LRRC40: variants seen among roughly 807,000 people sequenced by gnomAD.
LRRC40 encodes leucine rich repeat containing 40.
Under a neutral mutation model 72.8 loss-of-function variants are expected in LRRC40, and 76 were observed. The ratio of observed to expected loss-of-function variants is 1.04; its 90% CI spans 0.87 to 1.26. LRRC40 has a LOEUF of 1.26. Ranked by LOEUF, LRRC40 falls within the 50% of genes most tolerant of loss-of-function variation. The pLI, the probability that LRRC40 is intolerant of heterozygous loss-of-function variation, is 0.00. For missense variants in LRRC40, 684 were observed against 698.9 expected (o/e 0.98, Z 0.24); for synonymous variants, 243 against 254.2 (o/e 0.96, Z 0.42).
chr1:70,168,287 C>T (rs867397454), intron 9 of LRRC40, among the ~76,000 whole-genome samples: 5 of 152,182 alleles, frequency 3.3e-5, no homozygotes, highest in African/African-American at 1.2e-4. Context: ...TTGAGCTTGG[C>T]ATGATGAGAA....
intron 5 of LRRC40, 90 bp from the exon 6 acceptor site, chr1:70,179,083 CTA>C (rs1668184549): frequency 1.5e-6 from 1 of 650,582 alleles, no homozygotes; most frequent in African/African-American, 1.9e-5. Flanking sequence ...TAAGAAATCG[CTA>C]TGAGGACTTA....
intron 9 of LRRC40, among the ~76,000 whole-genome samples, chr1:70,162,539 A>G (rs1030578164): frequency 2.0e-5 from 3 of 152,170 alleles, no homozygotes; most frequent in Non-Finnish European, 4.4e-5. Flanking sequence ...AAATATCCAA[A>G]CCTATTTCTT....
intron 1 of LRRC40, among the ~76,000 whole-genome samples, chr1:70,204,147 C>G (rs968680241): frequency 6.6e-6 from 1 of 152,184 alleles, no homozygotes; most frequent in Non-Finnish European, 1.5e-5. Context: ...TCAATAAGTA[C>G]ATTCTAGCAC....
At position 70,152,432 on chromosome 1, in the gene LRRC40, C is replaced by A. The variant is rs113562787; in HGVS notation, c.1439+1G>T. The A allele has an allele frequency of 4.1e-6, 6 of 1,452,308 alleles. No individual in the cohort carries two copies. Among genetic ancestry groups the A allele is most frequent in the Non-Finnish European group, 5.8e-6 (6 of 1,036,912 alleles). 90.0% of individuals were successfully genotyped at this position (1,452,308 alleles called of 1,614,324 possible). A position where few individuals can be genotyped will look rare whatever the true frequency, so the allele number is the denominator to read the frequency against. On this transcript the variant is annotated splice_donor_variant, in intron 12 of 14. Transcript: ENST00000370952. LOFTEE classifies it high-confidence loss of function. Reference sequence around the variant, plus strand: ...AGTCAAGCAATAGTATCAATAAATACCTGAGATCTAAAAAAGTCAATTTCT... The same window carrying A: ...AGTCAAGCAATAGTATCAATAAATAACTGAGATCTAAAAAAGTCAATTTCT...
intron 10 of LRRC40, 68 bp from the exon 11 acceptor site, chr1:70,155,864 T>G: frequency 1.6e-6 from 1 of 633,926 alleles, no homozygotes; most frequent in African/African-American, 1.9e-5. Flanking sequence ...TTATTACTCT[T>G]CATTTTTAAA....
rs942406671 is a variant in LRRC40, at chr1:70,187,611, AC to A, written c.334-274del. Among the ~76,000 whole-genome samples, 10 of 151,506 alleles carry A rather than the reference AC, an allele frequency of 6.6e-5. No homozygotes were observed. The Middle Eastern group carries it at 0.01, about 156-fold the overall frequency. ...AGGCCGAAGAAGGCAAATCGCTTGT[AC>A]CCAGGAGTTTGAGACTAGCCTAGGC... is the stretch of plus-strand genomic sequence containing the variant. On this transcript the variant is annotated intron_variant, in intron 2 of 14. Transcript: ENST00000370952.
intron 7 of LRRC40, among the ~76,000 whole-genome samples, chr1:70,174,884 T>C (rs1668070179): frequency 6.6e-6 from 1 of 152,062 alleles, no homozygotes; most frequent in Non-Finnish European, 1.5e-5. Flanking sequence ...CCAAAAATCA[T>C]CAAGTTGTAT....
intron 5 of LRRC40, among the ~76,000 whole-genome samples, chr1:70,179,463 G>A (rs533081937): frequency 3.4e-4 from 51 of 152,128 alleles, no homozygotes; most frequent in Non-Finnish European, 5.9e-4. Flanking sequence ...CCCCAGCCTG[G>A]GCAATTTAAC....
At chr1:70,200,199 G>T (rs1339500384) in intron 1 of LRRC40, among the ~76,000 whole-genome samples, 1 of 152,182 alleles carries the variant, frequency 6.6e-6, no homozygotes, top group African/African-American at 2.4e-5. Flanking sequence ...AGGTACAGTG[G>T]CTCACACCCA....
intron 11 of LRRC40, among the ~76,000 whole-genome samples, chr1:70,154,444 A>AC (rs1558110054): frequency 6.6e-6 from 1 of 151,982 alleles, no homozygotes; most frequent in Admixed American, 6.6e-5. Flanking sequence ...TTGATCCAGG[A>AC]CCCCCCGCCC....
In LRRC40 at chr1:70,181,124, T is replaced by C. The variant is rs751789017; in HGVS notation, c.623A>G (p.Glu208Gly). 56 of 1,588,338 alleles carry C rather than the reference T, an allele frequency of 3.5e-5. No homozygotes were observed. The highest frequency in any genetic ancestry group is 4.7e-5 in the Non-Finnish European group (55 of 1,161,438). Residue 208 changes from glutamate to glycine, a missense_variant, in exon 5 of 15, where the codon GAA becomes GGA. Physicochemically the swap from Glu to Gly is moderately conservative, Grantham distance 98 (BLOSUM62 -2). Transcript: ENST00000370952. The stretch of plus-strand genomic sequence containing the variant: ...TATTTCTGCTGGCAAACTCTTCAGT[T>C]CATTACTAGAAAGATTGAGTCGCAC... ...SLVRLNLSSN[E>G]LKSLPAEINR...
At chr1:70,182,176 C>T (rs1170048238) in intron 4 of LRRC40, among the ~76,000 whole-genome samples, 1 of 151,848 alleles carries the variant, frequency 6.6e-6, no homozygotes, top group Non-Finnish European at 1.5e-5. Context: ...TCATAATCTA[C>T]AACATACAAC....
chr1:70,189,550 G>T (rs1668448029), intron 1 of LRRC40, among the ~76,000 whole-genome samples: 1 of 152,094 alleles, frequency 6.6e-6, no homozygotes, highest in Non-Finnish European at 1.5e-5. Flanking sequence ...ACACTGATTA[G>T]CACATACACT....
At chr1:70,162,657 T>C (rs189271460) in intron 9 of LRRC40, among the ~76,000 whole-genome samples, 3 of 152,322 alleles carry the variant, frequency 2.0e-5, no homozygotes, top group Non-Finnish European at 4.4e-5. Flanking sequence ...AATGTATTCA[T>C]TTATCCCCCA....
At chr1:70,192,932 AACAAACCTACAC>A (rs1374907010) in intron 1 of LRRC40, among the ~76,000 whole-genome samples, 6 of 152,084 alleles carry the variant, frequency 3.9e-5, no homozygotes, top group Non-Finnish European at 8.8e-5. Context: ...TCATCTATAT[AACAAACCTACAC>A]ACGTACCCTT....
chr1:70,204,948 G>A (rs1316780592), intron 1 of LRRC40, among the ~76,000 whole-genome samples: 2 of 152,160 alleles, frequency 1.3e-5, no homozygotes, highest in Admixed American at 1.3e-4. Context: ...ACAGAAGAGC[G>A]TCTCGGCAGG....
intron 10 of LRRC40, 98 bp downstream of exon 10, chr1:70,159,232 G>A (rs958308793): frequency 1.3e-5 from 6 of 460,766 alleles, no homozygotes; most frequent in African/African-American, 1.2e-4. Context: ...AGAGGCCAAA[G>A]CAGGAGGATG....
intron 14 of LRRC40, 147 bp downstream of exon 14, chr1:70,148,340 G>A (rs980123683): frequency 4.2e-5 from 27 of 649,310 alleles, no homozygotes; most frequent in Middle Eastern, 4.3e-4. Flanking sequence ...AACAGAATTG[G>A]GACTCTGGGT....
chr1:70,187,192 G>T (rs936680185), intron 3 of LRRC40, 73 bp downstream of exon 3: 1 of 717,110 alleles, frequency 1.4e-6, no homozygotes, highest in Non-Finnish European at 2.4e-6. Flanking sequence ...TTTTAATGTT[G>T]AGAAAATTTA....
Sources: allele counts gnomAD v4.1 joint callset (sites outside exome capture counted in the v4.1 genomes callset), GRCh38; gene constraint gnomAD v4.1.1; transcripts MANE v1.5; gene names NCBI Gene and HGNC (gene_info 2026-07-23, HGNC 2026-07-21).